Variants in ACOX3 observed in about 807,000 individuals in gnomAD.
The protein encoded by ACOX3 is acyl-CoA oxidase 3, pristanoyl.
ACOX3 carries 73 observed loss-of-function variants against 81.5 expected under a neutral mutation model. The ratio of observed to expected loss-of-function variants is 0.90; its 90% confidence interval spans 0.74 to 1.09. The LOEUF is 1.09. Ranked by LOEUF, ACOX3 falls within the 50% of genes least tolerant of loss-of-function variation. ACOX3 has a pLI of 0.00. For synonymous variants in ACOX3, 387 were observed against 375.1 expected (o/e 1.03, Z -0.37); for missense variants, 947 against 928.0 (o/e 1.02, Z -0.27).
At chr4:8,397,820 C>T (rs143531486) in intron 8 of ACOX3, among the ~76,000 whole-genome samples, 3 of 152,206 alleles carry the variant, frequency 2.0e-5, no homozygotes, top group African/African-American at 7.2e-5. Context: ...TGTGTCTGAG[C>T]GTATTAATCA....
Position 8,382,536 on chromosome 4 carries a change from G to C in ACOX3, c.1538-929C>G, listed in dbSNP as rs1717803198. ...CAGAGGGCCTGGCGCCCAGACACGAGGCACCTCCAGGCTGCAGGGGCCTTC... is the reference window on the plus strand; with the variant it reads ...CAGAGGGCCTGGCGCCCAGACACGACGCACCTCCAGGCTGCAGGGGCCTTC... On this transcript the variant is annotated intron_variant, in intron 13 of 17. Transcript: ENST00000356406. This position sits in a 1 kb window ranked among gnomAD's most constrained non-coding sequence, Gnocchi z 4.1. Among the ~76,000 whole-genome samples the C allele has an allele frequency of 6.6e-6, 1 of 152,222 alleles. No individual in the cohort carries two copies. Among genetic ancestry groups the C allele is most frequent in the African/African-American group, 2.4e-5 (1 of 41,456 alleles).
downstream of ACOX3, among the ~76,000 whole-genome samples, chr4:8,361,902 A>G (rs150340154): frequency 1.3e-5 from 2 of 152,326 alleles, no homozygotes; most frequent in East Asian, 3.9e-4. Flanking sequence ...TAAATGTGTT[A>G]TTGGTATATG....
chr4:8,365,825 T>C (rs561685649), downstream of ACOX3, among the ~76,000 whole-genome samples: 1 of 152,238 alleles, frequency 6.6e-6, no homozygotes, highest in Admixed American at 6.5e-5. Flanking sequence ...GGAAATTCAG[T>C]TTTTAAAAAC....
At chr4:8,363,327 A>C (rs148788443), downstream of ACOX3, among the ~76,000 whole-genome samples, 339 of 152,342 alleles carry the variant, frequency 2.2e-3, no homozygotes, top group Middle Eastern at 0.017. Context: ...AATATAGGAC[A>C]AGCTTACTGA....
chr4:8,373,714 A>G, intron 15 of ACOX3, 86 bp from the exon 16 acceptor site: 1 of 1,320,158 alleles, frequency 7.6e-7, no homozygotes, highest in South Asian at 1.3e-5. Flanking sequence ...CACTTTCCAA[A>G]TCGGCCATAT....
At chr4:8,410,669 ACACTGTGGGCGGAGCTGTCTGTG>A (rs1424641967) in intron 5 of ACOX3, among the ~76,000 whole-genome samples, 3 of 151,980 alleles carry the variant, frequency 2.0e-5, no homozygotes, top group African/African-American at 4.8e-5. Flanking sequence ...CACTGTGGAT[ACACTGTGGGCGGAGCTGTCTGTG>A]CACTGTGGGC....
In ACOX3 at chr4:8,411,694, C is replaced by T. The variant is rs150448332; in HGVS notation, c.544-1339G>A. Reference sequence around the variant, plus strand: ...TCTCGACTGTCTGGCTGCCTCCCTGCGCCCCGGCATACCAGCTTTGCTCTC... The same window carrying T: ...TCTCGACTGTCTGGCTGCCTCCCTGTGCCCCGGCATACCAGCTTTGCTCTC... On this transcript the variant is annotated intron_variant, in intron 5 of 17. Transcript: ENST00000356406. Among the ~76,000 whole-genome samples the T allele has an allele frequency of 4.3e-4, 66 of 152,312 alleles. No individual in the cohort carries two copies. The East Asian group carries it at 9.8e-3, about 23-fold the overall frequency.
In ACOX3 at chr4:8,381,605, C is replaced by G. The variant is rs780165236; in HGVS notation, c.1540G>C (p.Ala514Pro). ...ACCAGCCACTTGTATGCTGCCAGGG[C>G]GACTTCGGAATGACAAACAGAAGGA... is the stretch of plus-strand genomic sequence containing the variant. ...SVADCLDSAV[A>P]LAAYKWLVCY... The change falls in exon 14 of 18, where the codon GCC (alanine) becomes CCC (proline). Residue 514 changes from alanine (A) to proline (P), a missense_variant and splice_region_variant. Transcript: ENST00000356406. The surrounding 1 kb of genome is among the most constrained non-coding windows in gnomAD (Gnocchi z 4.3). 2 of 1,610,188 alleles carry G rather than the reference C, an allele frequency of 1.2e-6. No homozygotes were observed. Among genetic ancestry groups the G allele is most frequent in the South Asian group, 2.2e-5 (2 of 90,742 alleles).
intron 14 of ACOX3, among the ~76,000 whole-genome samples, chr4:8,375,689 C>T (rs1371891617): frequency 6.6e-6 from 1 of 152,256 alleles, no homozygotes; most frequent in Non-Finnish European, 1.5e-5. Flanking sequence ...GTAAGGCCCC[C>T]GCAGGCTCTG....
rs180731965 is a variant in ACOX3 at position 8,385,235 on chromosome 4, T to C, written c.1538-3628A>G. Among the ~76,000 whole-genome samples the C allele has an allele frequency of 2.3e-3, 350 of 152,022 alleles. 2 individuals carry two copies. The highest frequency in any genetic ancestry group is 8.1e-3 in the African/African-American group (337 of 41,484). On this transcript the variant is annotated intron_variant, in intron 13 of 17. Coordinates refer to ENST00000356406, the MANE Select transcript of ACOX3 (RefSeq NM_003501.3). This position sits in a 1 kb window ranked among gnomAD's most constrained non-coding sequence, Gnocchi z 5.5. ...ACCACGAACCCCACTGCTCACCTCA[T>C]ATGACCCCACTGCCCACCTCACATG...
At chr4:8,372,128 T>G (rs1716292089) in intron 16 of ACOX3, among the ~76,000 whole-genome samples, 1 of 152,212 alleles carries the variant, frequency 6.6e-6, no homozygotes, top group African/African-American at 2.4e-5. Context: ...GACGGGGTCT[T>G]GCTCTGTTGT....
At chr4:8,383,237 C>T (rs1054931886) in intron 13 of ACOX3, among the ~76,000 whole-genome samples, 1 of 152,210 alleles carries the variant, frequency 6.6e-6, no homozygotes, top group Admixed American at 6.5e-5. Flanking sequence ...CAGGGTTGGG[C>T]GGAGGCTTCC....
In ACOX3 at chr4:8,431,244, G is replaced by A. The variant is rs1435888063; in HGVS notation, c.-15+9404C>T. 6.6e-6 allele frequency among the ~76,000 whole-genome samples: 1 copy of A among 152,196 alleles called. No individual in the cohort carries two copies. The highest frequency in any genetic ancestry group is 1.5e-5 in the Non-Finnish European group (1 of 68,044). On this transcript the variant is annotated intron_variant, in intron 1 of 17. Transcript: ENST00000356406. This position sits in a 1 kb window ranked among gnomAD's most constrained non-coding sequence, Gnocchi z 5.3. ...CTCTACCCTCTGGCTTGTCAGGGCT[G>A]GCCTGTAGCAAGTTTTGGCCCCCTG... is the stretch of plus-strand genomic sequence containing the variant.
chr4:8,377,531 T>C (rs1717127061), intron 14 of ACOX3, among the ~76,000 whole-genome samples: 2 of 152,222 alleles, frequency 1.3e-5, no homozygotes, highest in African/African-American at 4.8e-5. Flanking sequence ...TGCGTGGTGC[T>C]GCTGGGGTCA....
chr4:8,416,053 A>G lies in ACOX3; in HGVS notation c.145-54T>C. The G allele has an allele frequency of 6.5e-7, 1 of 1,550,064 alleles. No homozygotes were observed. Among genetic ancestry groups the G allele is most frequent in the Non-Finnish European group, 8.9e-7 (1 of 1,125,454 alleles). ...ATTTGGAGTAAAAGATGGACTCTCC[A>G]TGTGCCCTTATATAGTTGACCTCCA... is the stretch of plus-strand genomic sequence containing the variant. On this transcript the variant is annotated intron_variant, in intron 2 of 17. Transcript: ENST00000356406. The surrounding 1 kb of genome is among the most constrained non-coding windows in gnomAD (Gnocchi z 4.2).
chr4:8,389,111 G>A lies in ACOX3; in HGVS notation c.1537+62C>T, dbSNP rs1256815526. 2.6e-5 allele frequency: 38 copies of A among 1,436,744 alleles called. No individual in the cohort carries two copies. The highest frequency in any genetic ancestry group is 6.9e-5 in the East Asian group (3 of 43,438). The allele number at this position is 1,436,744 out of a possible 1,614,324, so 89.0% of individuals were successfully genotyped here. ...GGGTCCCCTCACCGAGGCACGGTGC[G>A]TTTCCTGGTGGGAATGACAGGAAAT... On this transcript the variant is annotated intron_variant, in intron 13 of 17. Transcript: ENST00000356406. This position sits in a 1 kb window ranked among gnomAD's most constrained non-coding sequence, Gnocchi z 5.3.
Position 8,388,213 on chromosome 4 carries a change from C to A in ACOX3, c.1537+960G>T, listed in dbSNP as rs903775022. 3.3e-5 allele frequency among the ~76,000 whole-genome samples: 5 copies of A among 152,240 alleles called. No individual in the cohort carries two copies. In the East Asian group the frequency reaches 9.6e-4, roughly 29 times the overall value. Reference sequence around the variant, plus strand: ...GGCCAAGGCCCCTGCAAGGTGGTCACCAGCCACGCTCCACCTCACCAGCCA... The same window carrying A: ...GGCCAAGGCCCCTGCAAGGTGGTCAACAGCCACGCTCCACCTCACCAGCCA... On this transcript the variant is annotated intron_variant, in intron 13 of 17. Transcript: ENST00000356406.
In ACOX3 at chr4:8,389,465, G is replaced by T; in HGVS notation, c.1423+147C>A. 7.2e-7 allele frequency: 1 copy of T among 1,392,828 alleles called. No homozygotes were observed. The highest frequency in any genetic ancestry group is 9.8e-7 in the Non-Finnish European group (1 of 1,020,946). The allele number at this position is 1,392,828 out of a possible 1,614,324, so 86.3% of individuals were successfully genotyped here. Reference sequence around the variant, plus strand: ...CCCCAGCCTTTGCCCATGCCTTGGGGAGTTGGTCGGCACTATCTAATAACA... The same window carrying T: ...CCCCAGCCTTTGCCCATGCCTTGGGTAGTTGGTCGGCACTATCTAATAACA... On this transcript the variant is annotated intron_variant, in intron 12 of 17. Coordinates refer to ENST00000356406, the MANE Select transcript of ACOX3 (RefSeq NM_003501.3). The surrounding 1 kb of genome is among the most constrained non-coding windows in gnomAD (Gnocchi z 5.3).
intron 3 of ACOX3, 143 bp downstream of exon 3, chr4:8,415,621 TAA>T: frequency 1.5e-6 from 1 of 685,626 alleles, no homozygotes; most frequent in Non-Finnish European, 2.4e-6. Context: ...TTAAAAACAT[TAA>T]AAAAAAGATA....
Sources: allele counts gnomAD v4.1 joint callset (sites outside exome capture counted in the v4.1 genomes callset), GRCh38; gene constraint gnomAD v4.1.1; non-coding constraint Gnocchi (gnomAD v3.1); transcripts MANE v1.5; gene names NCBI Gene and HGNC (gene_info 2026-07-23, HGNC 2026-07-21).